The following RIC1 variants were observed in gnomAD, a reference collection of about 807,000 sequenced individuals.
RIC1 encodes guanine nucleotide exchange factor subunit RIC1.
Under a neutral mutation model 169.0 loss-of-function variants are expected in RIC1, and 88 were observed. That is an observed-to-expected ratio of 0.52 (90% confidence interval 0.44 to 0.62). The LOEUF (loss-of-function observed/expected upper bound fraction) is 0.62. Ranked by LOEUF, RIC1 falls within the 20% of genes least tolerant of loss-of-function variation. The pLI is 0.00. For synonymous variants in RIC1, 790 were observed against 601.5 expected (o/e 1.31, Z -4.59); for missense variants, 1,877 against 1,725.5 (o/e 1.09, Z -1.56).
chr9:5,751,329 A>T (rs1463486092), intron 12 of RIC1, among the ~76,000 whole-genome samples: 1 of 151,776 alleles, frequency 6.6e-6, no homozygotes, highest in Non-Finnish European at 1.5e-5. Context: ...ATTCTGAACT[A>T]ATTTTACCCA....
At chr9:5,651,244 A>G (rs1304352036) in intron 1 of RIC1, among the ~76,000 whole-genome samples, 5 of 152,162 alleles carry the variant, frequency 3.3e-5, no homozygotes, top group Non-Finnish European at 7.4e-5. Flanking sequence ...GGCCAAGCAA[A>G]CAACCTTGCT....
At chr9:5,699,592 C>G (rs1249210997) in intron 3 of RIC1, among the ~76,000 whole-genome samples, 1 of 151,008 alleles carries the variant, frequency 6.6e-6, no homozygotes, top group Non-Finnish European at 1.5e-5. Context: ...AAATTCCACA[C>G]AAGTGGTAAG....
At chr9:5,704,429 C>T (rs1450045535) in intron 3 of RIC1, among the ~76,000 whole-genome samples, 2 of 152,170 alleles carry the variant, frequency 1.3e-5, no homozygotes, top group East Asian at 3.9e-4. Flanking sequence ...TCAAGCTAGT[C>T]TCAAACTCCT....
intron 1 of RIC1, among the ~76,000 whole-genome samples, chr9:5,652,805 A>G (rs1196092018): frequency 6.6e-6 from 1 of 152,108 alleles, no homozygotes; most frequent in Non-Finnish European, 1.5e-5. Flanking sequence ...AAAGATTTCA[A>G]CTTTTCCTTA....
chr9:5,684,091 C>T (rs1379275291), intron 2 of RIC1, among the ~76,000 whole-genome samples: 1 of 152,108 alleles, frequency 6.6e-6, no homozygotes, highest in Admixed American at 6.5e-5. Flanking sequence ...CCTTGCGCTT[C>T]CCAGGTGAGG....
chr9:5,739,585 G>C (rs1824938650), intron 8 of RIC1, among the ~76,000 whole-genome samples: 1 of 152,284 alleles, frequency 6.6e-6, no homozygotes, highest in South Asian at 2.1e-4. Flanking sequence ...CAGAGGTGTT[G>C]GGAGTGGCTC....
At chr9:5,670,052 T>C (rs1336817331) in intron 2 of RIC1, among the ~76,000 whole-genome samples, 1 of 152,250 alleles carries the variant, frequency 6.6e-6, no homozygotes, top group Non-Finnish European at 1.5e-5. Context: ...GGTTATGTGT[T>C]TGAGGCACAT....
intron 1 of RIC1, among the ~76,000 whole-genome samples, chr9:5,644,646 C>G (rs1315617376): frequency 6.6e-6 from 1 of 152,144 alleles, no homozygotes; most frequent in East Asian, 1.9e-4. Flanking sequence ...GCATTTCTAT[C>G]TCCATTCACC....
intron 19 of RIC1, among the ~76,000 whole-genome samples, chr9:5,764,284 T>A (rs902292720): frequency 3.3e-5 from 5 of 152,210 alleles, no homozygotes; most frequent in Non-Finnish European, 5.9e-5. Flanking sequence ...ATTTGTTTCC[T>A]TTCAGTGTGG....
chr9:5,661,007 T>C lies in RIC1; in HGVS notation c.252+4317T>C, dbSNP rs186302985. Among the ~76,000 whole-genome samples the C allele has an allele frequency of 1.0e-3, 157 of 152,322 alleles. 1 individual carries two copies. The highest frequency in any genetic ancestry group is 1.8e-4 in the Non-Finnish European group (12 of 68,026). On this transcript the variant is annotated intron_variant, in intron 2 of 25. Transcript: ENST00000414202. ...ATCTTTAATCAATCTTGAGTTCATT[T>C]TCCTTTAGGGTGTAAGGAAGGGGTC... is the stretch of plus-strand genomic sequence containing the variant.
intron 8 of RIC1, among the ~76,000 whole-genome samples, chr9:5,741,338 C>G (rs1021627823): frequency 1.3e-5 from 2 of 152,124 alleles, no homozygotes; most frequent in African/African-American, 4.8e-5. Flanking sequence ...CTGCTTGAGA[C>G]TTAGGCTTGC....
intron 3 of RIC1, among the ~76,000 whole-genome samples, chr9:5,699,716 T>A (rs1822107434): frequency 6.6e-6 from 1 of 152,188 alleles, no homozygotes. Flanking sequence ...CATGTTAGAT[T>A]TTTGCAATAA....
intron 3 of RIC1, among the ~76,000 whole-genome samples, chr9:5,704,323 A>G (rs1822424712): frequency 6.6e-6 from 1 of 151,094 alleles, no homozygotes; most frequent in African/African-American, 2.4e-5. Context: ...CAATCCTCTC[A>G]CCTCAGTCAC....
At chr9:5,652,742 G>C (rs758559945) in intron 1 of RIC1, among the ~76,000 whole-genome samples, 2 of 151,278 alleles carry the variant, frequency 1.3e-5, no homozygotes, top group Non-Finnish European at 2.9e-5. Context: ...CCAGTACTGC[G>C]TTGAATAAAA....
At chr9:5,692,407 C>T (rs1375890624) in intron 3 of RIC1, among the ~76,000 whole-genome samples, 2 of 151,984 alleles carry the variant, frequency 1.3e-5, no homozygotes, top group East Asian at 3.8e-4. Flanking sequence ...TAAAGGACAA[C>T]TGTTATTATC....
chr9:5,714,055 G>C, intron 4 of RIC1, 52 bp downstream of exon 4: 3 of 1,165,574 alleles, frequency 2.6e-6, no homozygotes, highest in Non-Finnish European at 3.8e-6. Context: ...AGACAATGTA[G>C]TTCGTAAATC....
chr9:5,701,714 A>G (rs1015453195), intron 3 of RIC1, among the ~76,000 whole-genome samples: 2 of 152,272 alleles, frequency 1.3e-5, no homozygotes, highest in South Asian at 2.1e-4. Flanking sequence ...AATTCGTACT[A>G]TAACATTAGT....
downstream of RIC1, among the ~76,000 whole-genome samples, chr9:5,778,267 T>C (rs569175994): frequency 1.1e-4 from 17 of 152,400 alleles, no homozygotes; most frequent in South Asian, 3.5e-3. Flanking sequence ...CATTGCATCA[T>C]GCAACATCAA....
At chr9:5,684,108 C>T (rs932537930) in intron 2 of RIC1, among the ~76,000 whole-genome samples, 7 of 152,094 alleles carry the variant, frequency 4.6e-5, no homozygotes, top group African/African-American at 1.7e-4. Context: ...GAGGTGATGC[C>T]TTGCCCTGCT....
Sources: gnomAD v4.1 joint callset for allele counts (sites outside exome capture counted in the v4.1 genomes callset) on GRCh38, gnomAD v4.1.1 for gene constraint, MANE v1.5 for transcripts, NCBI Gene and HGNC (gene_info 2026-07-23, HGNC 2026-07-21) for gene names.